TRDN: variants seen among roughly 807,000 people sequenced by gnomAD.
TRDN encodes triadin, also known as triadin in skeletal muscle.
Under a neutral mutation model 149.7 loss-of-function variants are expected in TRDN, and 161 were observed. The ratio of observed to expected loss-of-function variants is 1.08; its 90% CI spans 0.95 to 1.23. The LOEUF (loss-of-function observed/expected upper bound fraction) is 1.23. TRDN is among the 50% of genes most tolerant of loss of function. The probability of loss-of-function intolerance (pLI) is 0.00; values close to 1 mark genes in which losing one functional copy is unlikely to be tolerated. For synonymous variants in TRDN, 294 were observed against 250.5 expected (o/e 1.17, Z -1.64); for missense variants, 896 against 823.5 (o/e 1.09, Z -1.08).
chr6:123,384,521 C>T (rs1056997415), intron 14 of TRDN, among the ~76,000 whole-genome samples: 3 of 152,086 alleles, frequency 2.0e-5, no homozygotes. Flanking sequence ...AAGATTATTT[C>T]CAATCCCTAT....
At chr6:123,420,403 A>AAAG (rs1773849635) in intron 12 of TRDN, among the ~76,000 whole-genome samples, 1 of 149,864 alleles carries the variant, frequency 6.7e-6, no homozygotes, top group Non-Finnish European at 1.5e-5. Flanking sequence ...AAAAAAAAAC[A>AAAG]GCAAAACTGT....
chr6:123,449,006 CCA>C (rs1775588910), intron 10 of TRDN, among the ~76,000 whole-genome samples: 2 of 152,022 alleles, frequency 1.3e-5, no homozygotes, highest in South Asian at 4.1e-4. Flanking sequence ...GAAGCCACAT[CCA>C]TAGGAAAAGG....
chr6:123,263,958 A>G (rs1776854375), intron 33 of TRDN, among the ~76,000 whole-genome samples: 1 of 152,056 alleles, frequency 6.6e-6, no homozygotes, highest in Non-Finnish European at 1.5e-5. Flanking sequence ...ACTGCTAAGA[A>G]AAAAGACTCC....
chr6:123,348,389 T>C (rs1440571934), intron 21 of TRDN, among the ~76,000 whole-genome samples: 1 of 152,116 alleles, frequency 6.6e-6, no homozygotes, highest in Non-Finnish European at 1.5e-5. Context: ...ATAGGGCTGA[T>C]GGTTTCAGAT....
Position 123,490,117 on chromosome 6 carries a change from A to T in TRDN, c.853+7076T>A, listed in dbSNP as rs1038006409. On this transcript the variant is annotated intron_variant, in intron 9 of 40. Transcript: ENST00000334268. ...TATACAAGTGAAATCTCAGACTATG[A>T]GTCTTCATAAGACAATGAATTTTCT... Among the ~76,000 whole-genome samples the T allele has an allele frequency of 2.0e-5, 3 of 152,328 alleles. No individual in the cohort carries two copies. In the East Asian group the frequency reaches 5.8e-4, roughly 29 times the overall value.
At chr6:123,407,716 T>C (rs1260448014) in intron 12 of TRDN, among the ~76,000 whole-genome samples, 1 of 152,184 alleles carries the variant, frequency 6.6e-6, no homozygotes, top group Non-Finnish European at 1.5e-5. Flanking sequence ...TGTTTATTAT[T>C]TTGAAGGATC....
chr6:123,454,548 T>C (rs971361427), intron 10 of TRDN, among the ~76,000 whole-genome samples: 1 of 152,184 alleles, frequency 6.6e-6, no homozygotes, highest in African/African-American at 2.4e-5. Flanking sequence ...TCAGGAAAGA[T>C]GACGAATGTG....
In TRDN at chr6:123,580,705, G is replaced by A. The variant is rs1783079913; in HGVS notation, c.23-9573C>T. Among the ~76,000 whole-genome samples the A allele has an allele frequency of 1.3e-5, 2 of 152,128 alleles. 1 individual carries two copies. The highest frequency in any genetic ancestry group is 1.3e-4 in the Admixed American group (2 of 15,264). ...CCTGCCTATCACCAATCAAATAGCT[G>A]TAACTATGCAACAACCTTGTATAAA... On this transcript the variant is annotated intron_variant, in intron 1 of 40. Coordinates refer to ENST00000334268, the MANE Select transcript of TRDN (RefSeq NM_006073.4).
intron 5 of TRDN, among the ~76,000 whole-genome samples, chr6:123,523,210 C>T (rs1009754557): frequency 9.9e-5 from 15 of 152,054 alleles, no homozygotes; most frequent in African/African-American, 2.9e-4. Context: ...AGGGACTACA[C>T]AGGAAGGGCT....
At chr6:123,565,119 G>T (rs974010745) in intron 2 of TRDN, among the ~76,000 whole-genome samples, 11 of 152,146 alleles carry the variant, frequency 7.2e-5, no homozygotes, top group Admixed American at 2.0e-4. Flanking sequence ...TAAAGCAAAA[G>T]AAATTTGTAA....
intron 38 of TRDN, among the ~76,000 whole-genome samples, chr6:123,240,203 T>C (rs1236465707): frequency 6.6e-6 from 1 of 151,930 alleles, no homozygotes; most frequent in Non-Finnish European, 1.5e-5. Flanking sequence ...AGTTTTCAAA[T>C]ATATGTTACT....
intron 2 of TRDN, among the ~76,000 whole-genome samples, chr6:123,564,073 T>C (rs767258936): frequency 1.3e-5 from 2 of 152,222 alleles, no homozygotes; most frequent in Non-Finnish European, 2.9e-5. Flanking sequence ...TTCTTTATCT[T>C]TTTCCTCATT....
chr6:123,571,246 C>A, intron 1 of TRDN, 114 bp from the exon 2 acceptor site: 1 of 1,089,548 alleles, frequency 9.2e-7, no homozygotes, highest in Non-Finnish European at 1.3e-6. Context: ...TCTAGAGCAG[C>A]ACAACTCCTT....
At chr6:123,491,733 T>C (rs927673591) in intron 9 of TRDN, among the ~76,000 whole-genome samples, 1 of 152,202 alleles carries the variant, frequency 6.6e-6, no homozygotes, top group Non-Finnish European at 1.5e-5. Context: ...CAACAACTAC[T>C]TACTGAATAA....
chr6:123,357,416 A>T (rs1262783072), intron 20 of TRDN, among the ~76,000 whole-genome samples: 1 of 152,108 alleles, frequency 6.6e-6, no homozygotes, highest in African/African-American at 2.4e-5. Flanking sequence ...AAAGACTTAG[A>T]TGTTCCTAGA....
At chr6:123,354,082 T>C (rs181795847) in intron 20 of TRDN, among the ~76,000 whole-genome samples, 40 of 151,890 alleles carry the variant, frequency 2.6e-4, no homozygotes, top group Admixed American at 7.2e-4. Flanking sequence ...GAGGTGACTT[T>C]CCAGAACTGA....
At chr6:123,411,116 G>A (rs879604238) in intron 12 of TRDN, among the ~76,000 whole-genome samples, 30 of 149,960 alleles carry the variant, frequency 2.0e-4, no homozygotes, top group African/African-American at 4.7e-4. Context: ...GTGGGATATC[G>A]GCTCACTGCA....
At chr6:123,301,788 C>CATATATAT (rs1562252374) in intron 24 of TRDN, among the ~76,000 whole-genome samples, 1 of 34,996 alleles carries the variant, frequency 2.9e-5, no homozygotes, top group Non-Finnish European at 7.6e-5. Context: ...TATATATATA[C>CATATATAT]ATAAATGAAA....
intron 13 of TRDN, among the ~76,000 whole-genome samples, chr6:123,392,537 T>C (rs1772532119): frequency 6.6e-6 from 1 of 152,076 alleles, no homozygotes. Flanking sequence ...CATTTTCATG[T>C]ATTAAAAAAC....
Sources: gnomAD v4.1 joint callset for allele counts (sites outside exome capture counted in the v4.1 genomes callset) on GRCh38, gnomAD v4.1.1 for gene constraint, MANE v1.5 for transcripts, NCBI Gene and HGNC (gene_info 2026-07-23, HGNC 2026-07-21) for gene names.